Variants in DSTN observed in about 807,000 individuals in gnomAD.
DSTN encodes destrin, actin depolymerizing factor, also known as destrin.
Under a neutral mutation model 16.8 loss-of-function variants are expected in DSTN, and 10 were observed. That is an observed-to-expected ratio of 0.60 (90% CI 0.37 to 1.01). The LOEUF (loss-of-function observed/expected upper bound fraction) is 1.01. DSTN is among the 50% of genes least tolerant of loss of function. The pLI is 0.01. For missense variants in DSTN, 141 were observed against 196.7 expected (o/e 0.72, Z 1.69); for synonymous variants, 57 against 58.9 (o/e 0.97, Z 0.14).
chr20:17,591,807 T>TG, intron 1 of DSTN: 1 of 781,746 alleles, frequency 1.3e-6, no homozygotes, highest in Non-Finnish European at 1.6e-6. Flanking sequence ...AGTAGAGGAA[T>TG]GGGGATGGAT....
At chr20:17,590,183 G>T (rs1276540129) in intron 1 of DSTN, among the ~76,000 whole-genome samples, 1 of 152,206 alleles carries the variant, frequency 6.6e-6, no homozygotes, top group Non-Finnish European at 1.5e-5. Flanking sequence ...AGAATTGAGA[G>T]AATTGTTATT....
rs183548710 is a variant in DSTN, at chr20:17,593,818, C to T, written c.4-6920C>T. ...ATTGGGCTGGGGGTGGTGGCTCATA[C>T]CTGTAGTCTCAGCACTTTGGGAGGC... On this transcript the variant is annotated intron_variant, in intron 1 of 3. Transcript: ENST00000246069. 7.3e-4 allele frequency among the ~76,000 whole-genome samples: 111 copies of T among 152,190 alleles called. 1 individual carries two copies. Among genetic ancestry groups the T allele is most frequent in the African/African-American group, 2.4e-3 (100 of 41,516 alleles).
At chr20:17,571,131 T>G (rs778685688) in intron 1 of DSTN, among the ~76,000 whole-genome samples, 32 of 152,256 alleles carry the variant, frequency 2.1e-4, no homozygotes, top group Non-Finnish European at 3.8e-4. Context: ...ACACTGTCAC[T>G]CTAATTAGCT....
intron 1 of DSTN, among the ~76,000 whole-genome samples, chr20:17,571,440 G>C (rs899867146): frequency 3.9e-5 from 6 of 152,334 alleles, no homozygotes; most frequent in African/African-American, 9.6e-5. Context: ...GATGACTGTA[G>C]ATATGTATGT....
chr20:17,580,940 A>G (rs781125003), intron 1 of DSTN, among the ~76,000 whole-genome samples: 3 of 152,198 alleles, frequency 2.0e-5, no homozygotes, highest in Admixed American at 6.5e-5. Context: ...AGGGACAGAA[A>G]AAAGGCTTGT....
intron 1 of DSTN, among the ~76,000 whole-genome samples, chr20:17,598,391 G>A (rs573013741): frequency 3.9e-5 from 6 of 152,136 alleles, no homozygotes; most frequent in African/African-American, 1.2e-4. Flanking sequence ...CCTCCTAGTG[G>A]GTGACTCATT....
intron 1 of DSTN, among the ~76,000 whole-genome samples, chr20:17,589,628 T>C (rs2035448940): frequency 6.6e-6 from 1 of 152,252 alleles, no homozygotes; most frequent in African/African-American, 2.4e-5. Flanking sequence ...GAAGCATCAA[T>C]TATAGCAGCC....
chr20:17,592,094 T>A (rs1180467500), intron 1 of DSTN: 1 of 985,270 alleles, frequency 1.0e-6, no homozygotes, highest in Admixed American at 6.2e-5. Context: ...GTCTGCCTCA[T>A]GGTTTTAGTT....
intron 1 of DSTN, among the ~76,000 whole-genome samples, chr20:17,585,907 T>C (rs985998841): frequency 2.0e-5 from 3 of 152,326 alleles, no homozygotes; most frequent in African/African-American, 2.4e-5. Context: ...ATTTTATTGC[T>C]GAATTTTATT....
chr20:17,605,456 C>G (rs2035631424), intron 3 of DSTN, among the ~76,000 whole-genome samples: 1 of 152,152 alleles, frequency 6.6e-6, no homozygotes, highest in South Asian at 2.1e-4. Flanking sequence ...AGGGCTTGGC[C>G]TGATGTTGAT....
At chr20:17,606,878 AGTTACAATTATTTTTTCTC>A (rs2035648458) in intron 3 of DSTN, among the ~76,000 whole-genome samples, 140 bp from the exon 4 acceptor site, 1 of 152,248 alleles carries the variant, frequency 6.6e-6, no homozygotes, top group Admixed American at 6.5e-5. Context: ...TGATGCATGT[AGTTACAATTATTTTTTCTC>A]GTTACTGTGT....
In DSTN at chr20:17,570,111, C is replaced by G. The variant is rs2035178133; in HGVS notation, c.-98C>G. 2.7e-6 allele frequency: 4 copies of G among 1,494,774 alleles called. No homozygotes were observed. Among genetic ancestry groups the G allele is most frequent in the South Asian group, 1.2e-5 (1 of 81,308 alleles). The allele number at this position is 1,494,774 out of a possible 1,614,324, so 92.6% of individuals were successfully genotyped here. A position where few individuals can be genotyped will look rare whatever the true frequency, so the allele number is the denominator to read the frequency against. Reference sequence around the variant, plus strand: ...AGCTCGCGCCGCCGCGTCAGCTCAGCGCTGGGTCTCTCGGTCCCGCAGCCG... The same window carrying G: ...AGCTCGCGCCGCCGCGTCAGCTCAGGGCTGGGTCTCTCGGTCCCGCAGCCG... On this transcript the variant is annotated 5_prime_UTR_variant, in exon 1 of 4. Transcript: ENST00000246069.
chr20:17,584,921 G>C (rs2035389404), intron 1 of DSTN, among the ~76,000 whole-genome samples: 1 of 152,142 alleles, frequency 6.6e-6, no homozygotes, highest in Admixed American at 6.5e-5. Context: ...GAACTATCCT[G>C]TGGATATACT....
Position 17,591,921 on chromosome 20 carries a change from C to G in DSTN, c.4-8817C>G, listed in dbSNP as rs572677892. On this transcript the variant is annotated intron_variant, in intron 1 of 3. Coordinates refer to ENST00000246069, the MANE Select transcript of DSTN (RefSeq NM_006870.4). ...CATTGTCTTCTTTCCATCTGCTAAT[C>G]TTTACCCCAGATTTTCAGTTCACCC... The G allele has an allele frequency of 5.8e-5, 57 of 985,382 alleles. No homozygotes were observed. The South Asian group carries it at 2.3e-3, about 41-fold the overall frequency. The allele number at this position is 985,382 out of a possible 1,614,324, so 61.0% of individuals were successfully genotyped here.
intron 1 of DSTN, among the ~76,000 whole-genome samples, chr20:17,574,794 CTTTCTT>C (rs1021226824): frequency 2.1e-5 from 3 of 142,254 alleles, no homozygotes; most frequent in Non-Finnish European, 4.6e-5. Flanking sequence ...ACATGACTGA[CTTTCTT>C]TTCTTTCTCC....
intron 1 of DSTN, among the ~76,000 whole-genome samples, chr20:17,574,725 CAAA>C (rs775060379): frequency 5.7e-5 from 3 of 52,994 alleles, no homozygotes; most frequent in Admixed American, 5.4e-4. Context: ...GACTCAGTCT[CAAA>C]AAAAAAAAAA....
At chr20:17,573,985 A>G (rs1166990355) in intron 1 of DSTN, among the ~76,000 whole-genome samples, 1 of 152,132 alleles carries the variant, frequency 6.6e-6, no homozygotes, top group Non-Finnish European at 1.5e-5. Flanking sequence ...GGATTGCTTG[A>G]AGCCAGGAGT....
Position 17,582,077 on chromosome 20 carries a change from A to ATTT in DSTN, c.3+11883_3+11885dup, listed in dbSNP as rs35744527. On this transcript the variant is annotated intron_variant, in intron 1 of 3. Coordinates refer to ENST00000246069, the MANE Select transcript of DSTN (RefSeq NM_006870.4). Reference sequence around the variant, plus strand: ...AAGTCCCTGTCTCTATGAAATATACATTTTTTTTTTTTTTTTTTTGAGACT... The same window carrying ATTT: ...AAGTCCCTGTCTCTATGAAATATACATTTTTTTTTTTTTTTTTTTTTTGAGACT... Among the ~76,000 whole-genome samples the ATTT allele has an allele frequency of 4.5e-3, 565 of 126,716 alleles. 13 individuals carry two copies. Among genetic ancestry groups the ATTT allele is most frequent in the African/African-American group, 0.013 (429 of 32,204 alleles). The allele number at this position is 126,716 out of a possible 152,430, so 83.1% of individuals were successfully genotyped here. A position where few individuals can be genotyped will look rare whatever the true frequency, so the allele number is the denominator to read the frequency against.
At chr20:17,580,213 A>G (rs2035327265) in intron 1 of DSTN, among the ~76,000 whole-genome samples, 1 of 152,198 alleles carries the variant, frequency 6.6e-6, no homozygotes, top group South Asian at 2.1e-4. Context: ...ACTCTTAGTT[A>G]TATTTTTCCT....
Sources: gnomAD v4.1 joint callset for allele counts (sites outside exome capture counted in the v4.1 genomes callset) on GRCh38, gnomAD v4.1.1 for gene constraint, MANE v1.5 for transcripts, NCBI Gene and HGNC (gene_info 2026-07-23, HGNC 2026-07-21) for gene names.